The following PTPRK variants were observed in gnomAD, a reference collection of about 807,000 sequenced individuals.
The protein encoded by PTPRK is protein tyrosine phosphatase receptor type K, also known as receptor-type tyrosine-protein phosphatase kappa.
In PTPRK, 75 loss-of-function variants were observed where a neutral mutation model predicts 178.0. That is an observed-to-expected ratio of 0.42 (90% confidence interval 0.35 to 0.51). The LOEUF (loss-of-function observed/expected upper bound fraction) is 0.51, where lower values mean the gene tolerates loss of function less well. Among genes scored for constraint, PTPRK ranks in the 20% least tolerant of loss-of-function variants. PTPRK has a pLI of 0.02. For missense variants in PTPRK, 1,441 were observed against 1,797.8 expected (o/e 0.80, Z 3.59); for synonymous variants, 637 against 620.6 (o/e 1.03, Z -0.39).
At chr6:128,447,830 G>A (rs112964948) in intron 1 of PTPRK, among the ~76,000 whole-genome samples, 2,515 of 152,034 alleles carry the variant, frequency 0.017, 28 homozygotes, top group Non-Finnish European at 0.027. Flanking sequence ...CACCATATTG[G>A]TCAGGCTTGT....
At chr6:128,165,482 C>T (rs1441238655) in intron 7 of PTPRK, among the ~76,000 whole-genome samples, 2 of 150,984 alleles carry the variant, frequency 1.3e-5, no homozygotes, top group Admixed American at 6.6e-5. Flanking sequence ...TCATTCTATC[C>T]TATGATGAGG....
At chr6:128,463,808 G>A (rs552195956) in intron 1 of PTPRK, among the ~76,000 whole-genome samples, 5 of 134,368 alleles carry the variant, frequency 3.7e-5, no homozygotes, top group Non-Finnish European at 7.6e-5. Context: ...CTGGAGTGCA[G>A]TGGCACAATC....
intron 1 of PTPRK, among the ~76,000 whole-genome samples, chr6:128,514,043 T>C (rs1450933112): frequency 6.6e-6 from 1 of 152,196 alleles, no homozygotes; most frequent in East Asian, 1.9e-4. Flanking sequence ...GCTGGTCAGC[T>C]GCTGCCTTGA....
At chr6:128,330,862 A>G (rs1250844584) in intron 2 of PTPRK, among the ~76,000 whole-genome samples, 2 of 141,638 alleles carry the variant, frequency 1.4e-5, no homozygotes, top group East Asian at 3.9e-4. Flanking sequence ...AAACAAAAAC[A>G]AAAACAAAAA....
At chr6:128,060,457 G>C (rs1780620176) in intron 13 of PTPRK, among the ~76,000 whole-genome samples, 1 of 152,116 alleles carries the variant, frequency 6.6e-6, no homozygotes, top group Admixed American at 6.6e-5. Flanking sequence ...CTTATTATAA[G>C]AAGTAATAAT....
intron 6 of PTPRK, among the ~76,000 whole-genome samples, chr6:128,204,808 A>G (rs1806627242): frequency 6.6e-6 from 1 of 152,044 alleles, no homozygotes; most frequent in Admixed American, 6.6e-5. Context: ...AATGCTTATA[A>G]ACTGTTGGAA....
intron 2 of PTPRK, among the ~76,000 whole-genome samples, chr6:128,385,641 A>G (rs1049979102): frequency 2.6e-5 from 4 of 152,242 alleles, no homozygotes; most frequent in African/African-American, 7.2e-5. Flanking sequence ...GTTGATTACT[A>G]TAATAAATTA....
At chr6:127,989,949 A>C (rs941982791) in intron 21 of PTPRK, among the ~76,000 whole-genome samples, 1 of 152,100 alleles carries the variant, frequency 6.6e-6, no homozygotes, top group Non-Finnish European at 1.5e-5. Flanking sequence ...TGTGTGGTCA[A>C]ATCTACCAAG....
chr6:128,418,899 C>G (rs769559996), intron 1 of PTPRK, among the ~76,000 whole-genome samples: 1 of 152,138 alleles, frequency 6.6e-6, no homozygotes, highest in Non-Finnish European at 1.5e-5. Context: ...AGAAATACTT[C>G]ACTGTAATGA....
At chr6:128,047,662 T>A (rs929582632) in intron 13 of PTPRK, among the ~76,000 whole-genome samples, 2 of 152,200 alleles carry the variant, frequency 1.3e-5, no homozygotes, top group East Asian at 3.8e-4. Flanking sequence ...TTAGGTTACA[T>A]GAACTTTAAG....
intron 5 of PTPRK, among the ~76,000 whole-genome samples, chr6:128,226,529 G>T (rs567828079): frequency 9.2e-5 from 14 of 151,800 alleles, no homozygotes; most frequent in Admixed American, 8.5e-4. Flanking sequence ...TGAATCAGTT[G>T]AAAGGCTTTA....
chr6:128,477,073 A>T, intron 1 of PTPRK, among the ~76,000 whole-genome samples: 1 of 152,194 alleles, frequency 6.6e-6, no homozygotes, highest in Middle Eastern at 3.4e-3. Context: ...AAGAAGGATA[A>T]AAATGTTTAC....
chr6:128,035,232 A>G (rs1776012185), intron 13 of PTPRK, among the ~76,000 whole-genome samples: 1 of 152,060 alleles, frequency 6.6e-6, no homozygotes, highest in African/African-American at 2.4e-5. Flanking sequence ...CAGGCGTTGT[A>G]GCAAGTGCCT....
chr6:128,005,938 A>T (rs1008608689), intron 14 of PTPRK: 1 of 1,064,688 alleles, frequency 9.4e-7, no homozygotes, highest in African/African-American at 1.7e-5. Flanking sequence ...AAATGTCACC[A>T]AAATTGCAAG....
intron 7 of PTPRK, among the ~76,000 whole-genome samples, chr6:128,131,614 GA>G (rs1309515269): frequency 2.6e-5 from 4 of 152,186 alleles, no homozygotes; most frequent in Non-Finnish European, 5.9e-5. Context: ...CCTCTGACCA[GA>G]AGTAAAATTA....
intron 2 of PTPRK, among the ~76,000 whole-genome samples, chr6:128,352,731 A>C (rs770635976): frequency 2.1e-4 from 32 of 152,324 alleles, no homozygotes; most frequent in Non-Finnish European, 3.8e-4. Context: ...CTCAAAGGCT[A>C]TGAGTTTCCA....
At chr6:128,212,725 G>GGAAGTCTAA in intron 6 of PTPRK, among the ~76,000 whole-genome samples, 1 of 152,052 alleles carries the variant, frequency 6.6e-6, no homozygotes, top group Non-Finnish European at 1.5e-5. Flanking sequence ...CCAAAGAGCA[G>GGAAGTCTAA]TGACCAGTAC....
At chr6:128,066,031 A>G (rs951052466) in intron 12 of PTPRK, among the ~76,000 whole-genome samples, 8 of 152,214 alleles carry the variant, frequency 5.3e-5, no homozygotes, top group Non-Finnish European at 1.2e-4. Flanking sequence ...GAATGCAGAG[A>G]AAATCCTTTA....
chr6:128,381,556 G>A (rs917275758), intron 2 of PTPRK, among the ~76,000 whole-genome samples: 13 of 152,148 alleles, frequency 8.5e-5, no homozygotes, highest in African/African-American at 3.1e-4. Flanking sequence ...CTAACCGGCC[G>A]TGTCACCTTG....
Sources: allele counts gnomAD v4.1 joint callset (sites outside exome capture counted in the v4.1 genomes callset), GRCh38; gene constraint gnomAD v4.1.1; transcripts MANE v1.5; gene names NCBI Gene and HGNC (gene_info 2026-07-23, HGNC 2026-07-21).